GNA14: variants seen among roughly 807,000 people sequenced by gnomAD.
GNA14 encodes the protein G protein subunit alpha 14.
A neutral mutation model predicts 42.0 loss-of-function variants in GNA14; 50 were observed. That is an observed-to-expected ratio of 1.19 (90% CI 0.95 to 1.51). The LOEUF (loss-of-function observed/expected upper bound fraction) is 1.51, where lower values mean the gene tolerates loss of function less well. Ranked by LOEUF, GNA14 falls within the 40% of genes most tolerant of loss-of-function variation. The pLI, the probability that GNA14 is intolerant of heterozygous loss-of-function variation, is 0.00. For synonymous variants in GNA14, 173 were observed against 163.1 expected (o/e 1.06, Z -0.46); for missense variants, 473 against 446.2 (o/e 1.06, Z -0.54).
At chr9:77,540,904 C>T (rs1041210819) in intron 1 of GNA14, among the ~76,000 whole-genome samples, 1 of 152,090 alleles carries the variant, frequency 6.6e-6, no homozygotes, top group African/African-American at 2.4e-5. Flanking sequence ...TTCCTTTATT[C>T]ATTCATCCAA....
chr9:77,510,728 T>G (rs990647618), intron 2 of GNA14, among the ~76,000 whole-genome samples: 2 of 152,166 alleles, frequency 1.3e-5, no homozygotes, highest in Non-Finnish European at 2.9e-5. Flanking sequence ...GGAGAAGTGA[T>G]GGAATGTTCC....
intron 1 of GNA14, among the ~76,000 whole-genome samples, chr9:77,640,171 G>A (rs1050958348): frequency 5.9e-5 from 9 of 152,230 alleles, no homozygotes; most frequent in African/African-American, 2.2e-4. Context: ...GTTGATGGCT[G>A]TGCCTTGAGT....
At chr9:77,477,392 A>C (rs559799453) in intron 2 of GNA14, among the ~76,000 whole-genome samples, 1 of 152,256 alleles carries the variant, frequency 6.6e-6, no homozygotes, top group East Asian at 1.9e-4. Flanking sequence ...ATGTTAAGTA[A>C]AAGTCCATGT....
intron 1 of GNA14, among the ~76,000 whole-genome samples, chr9:77,538,500 A>T (rs1837623305): frequency 6.6e-6 from 1 of 152,122 alleles, no homozygotes; most frequent in Non-Finnish European, 1.5e-5. Context: ...GGATTGCATT[A>T]AACCTGTGGA....
chr9:77,426,990 G>C (rs1835462619), intron 5 of GNA14, among the ~76,000 whole-genome samples: 1 of 152,086 alleles, frequency 6.6e-6, no homozygotes, highest in Admixed American at 6.6e-5. Flanking sequence ...TTACGATCTG[G>C]AATGTATTAA....
chr9:77,518,178 A>C (rs1171163158), intron 2 of GNA14: 1 of 152,120 alleles, frequency 6.6e-6, no homozygotes, highest in Non-Finnish European at 1.5e-5. Flanking sequence ...GAATAAAAAC[A>C]CTGAGAGTTT....
At chr9:77,489,891 T>C (rs991346148) in intron 2 of GNA14, among the ~76,000 whole-genome samples, 3 of 152,086 alleles carry the variant, frequency 2.0e-5, no homozygotes, top group South Asian at 2.1e-4. Context: ...GCTTCCACAA[T>C]GTGGAAGGGG....
At chr9:77,515,466 C>T (rs1587811319) in intron 2 of GNA14, among the ~76,000 whole-genome samples, 1 of 152,320 alleles carries the variant, frequency 6.6e-6, no homozygotes, top group Middle Eastern at 3.4e-3. Context: ...AACCACAAGG[C>T]TTGCAAAAAT....
intron 2 of GNA14, among the ~76,000 whole-genome samples, chr9:77,457,237 AAAAG>A: frequency 6.6e-6 from 1 of 152,346 alleles, no homozygotes; most frequent in African/African-American, 2.4e-5. Context: ...AGGAGAGAGA[AAAAG>A]AAAGAGACTG....
At chr9:77,424,303 A>C (rs1014796425) in intron 6 of GNA14, 134 bp from the exon 7 acceptor site, 4 of 528,336 alleles carry the variant, frequency 7.6e-6, no homozygotes, top group Admixed American at 6.6e-5. Flanking sequence ...GCTCACTGCA[A>C]CCTCTGCTTC....
intron 5 of GNA14, among the ~76,000 whole-genome samples, chr9:77,428,678 C>G (rs1835493785): frequency 6.6e-6 from 1 of 152,162 alleles, no homozygotes; most frequent in South Asian, 2.1e-4. Context: ...TACCTGGGTT[C>G]TTGTTAAAAT....
chr9:77,433,369 ATTAT>A (rs371802486), intron 3 of GNA14, among the ~76,000 whole-genome samples: 4 of 151,892 alleles, frequency 2.6e-5, no homozygotes, highest in African/African-American at 7.3e-5. Context: ...CCGGGATATT[ATTAT>A]TTATTTATTT....
chr9:77,624,497 C>T (rs185120140), intron 1 of GNA14, among the ~76,000 whole-genome samples: 4 of 152,252 alleles, frequency 2.6e-5, no homozygotes, highest in East Asian at 1.9e-4. Context: ...CAGCGGGGGT[C>T]GACAGACACC....
intron 2 of GNA14, among the ~76,000 whole-genome samples, chr9:77,459,052 A>C (rs6560595): frequency 0.63 from 95,787 of 151,910 alleles, 32,361 homozygotes; most frequent in African/African-American, 0.89. Context: ...GAATGTACTT[A>C]ATGCCACTGA....
chr9:77,459,284 T>C (rs189529074), intron 2 of GNA14, among the ~76,000 whole-genome samples: 2 of 152,204 alleles, frequency 1.3e-5, no homozygotes, highest in East Asian at 3.9e-4. Context: ...GCAAATGTTA[T>C]GTTAGGTATA....
intron 1 of GNA14, among the ~76,000 whole-genome samples, chr9:77,600,067 ATTTT>A (rs1184635500): frequency 6.6e-6 from 1 of 150,966 alleles, no homozygotes; most frequent in South Asian, 2.1e-4. Flanking sequence ...CCATATATTG[ATTTT>A]TGTTTGTCAA....
chr9:77,625,715 T>C (rs141192238), intron 1 of GNA14, among the ~76,000 whole-genome samples: 2,656 of 152,270 alleles, frequency 0.017, 69 homozygotes, highest in African/African-American at 0.059. Context: ...AGGCCTGCCT[T>C]AGAAGAGCTC....
chr9:77,533,664 G>A (rs147523654), intron 1 of GNA14, among the ~76,000 whole-genome samples: 37 of 152,220 alleles, frequency 2.4e-4, no homozygotes, highest in Non-Finnish European at 4.7e-4. Flanking sequence ...AACTGCTCCT[G>A]GTCTAAGACT....
rs796275094 is a variant in GNA14 at position 77,558,929 on chromosome 9, CAAA to C, written c.125-29679_125-29677del. Reference sequence around the variant, plus strand: ...AAAAAAGGTGTTAAAAAACAAAAAACAAAAAAAAAAACAAAAAACAAACAAACA... The same window carrying C: ...AAAAAAGGTGTTAAAAAACAAAAAACAAAAAAAACAAAAAACAAACAAACA... On this transcript the variant is annotated intron_variant, in intron 1 of 6. Coordinates refer to ENST00000341700, the MANE Select transcript of GNA14 (RefSeq NM_004297.4). Among the ~76,000 whole-genome samples, 7 of 144,924 alleles carry C rather than the reference CAAA, an allele frequency of 4.8e-5. No homozygotes were observed. In the East Asian group the frequency reaches 1.4e-3, roughly 29 times the overall value.
Sources: allele counts gnomAD v4.1 joint callset (sites outside exome capture counted in the v4.1 genomes callset), GRCh38; gene constraint gnomAD v4.1.1; transcripts MANE v1.5; gene names NCBI Gene and HGNC (gene_info 2026-07-23, HGNC 2026-07-21).